CNTNAP2: variants seen among roughly 807,000 people sequenced by gnomAD.
CNTNAP2 encodes the protein contactin associated protein 2.
In CNTNAP2, 98 loss-of-function variants were observed where a neutral mutation model predicts 155.2. The observed-to-expected ratio is 0.63, with a 90% confidence interval of 0.54 to 0.75. The LOEUF (loss-of-function observed/expected upper bound fraction) is 0.75, where lower values mean the gene tolerates loss of function less well. CNTNAP2 is among the 30% of genes least tolerant of loss of function. The pLI is 0.00. For synonymous variants in CNTNAP2, 651 were observed against 631.2 expected (o/e 1.03, Z -0.47); for missense variants, 1,727 against 1,688.1 (o/e 1.02, Z -0.40).
chr7:148,289,548 TG>T (rs1480440707), intron 21 of CNTNAP2, among the ~76,000 whole-genome samples: 1 of 147,700 alleles, frequency 6.8e-6, no homozygotes, highest in African/African-American at 2.5e-5. Flanking sequence ...AGAAGCAAAA[TG>T]ATAATGTAAA....
At chr7:147,388,255 G>A (rs1195952822) in intron 9 of CNTNAP2, among the ~76,000 whole-genome samples, 1 of 151,958 alleles carries the variant, frequency 6.6e-6, no homozygotes, top group Non-Finnish European at 1.5e-5. Context: ...TCATTCTTTG[G>A]GCACTTCATT....
At chr7:146,176,646 C>T (rs1471210343) in intron 1 of CNTNAP2, among the ~76,000 whole-genome samples, 1 of 152,132 alleles carries the variant, frequency 6.6e-6, no homozygotes, top group Non-Finnish European at 1.5e-5. Context: ...GGGATACCTA[C>T]TATGCACCAA....
intron 8 of CNTNAP2, among the ~76,000 whole-genome samples, chr7:147,266,103 T>G (rs1160210934): frequency 6.6e-6 from 1 of 151,926 alleles, no homozygotes; most frequent in Admixed American, 6.6e-5. Context: ...TCACAATACC[T>G]CTCCAGCAAG....
intron 1 of CNTNAP2, among the ~76,000 whole-genome samples, chr7:146,707,015 A>G (rs1800977656): frequency 6.6e-6 from 1 of 152,174 alleles, no homozygotes; most frequent in Non-Finnish European, 1.5e-5. Flanking sequence ...AGCCCAGCAA[A>G]ATGCACTTTG....
intron 2 of CNTNAP2, among the ~76,000 whole-genome samples, chr7:146,807,923 A>G (rs952665714): frequency 3.3e-5 from 5 of 152,160 alleles, no homozygotes; most frequent in Admixed American, 6.6e-5. Flanking sequence ...TCACTCTGGC[A>G]TAGTACATTT....
At chr7:148,355,552 T>A (rs1798499403) in intron 21 of CNTNAP2, among the ~76,000 whole-genome samples, 1 of 152,180 alleles carries the variant, frequency 6.6e-6, no homozygotes. Flanking sequence ...AATCTCTGTT[T>A]ACCAGTCTGC....
chr7:147,502,955 G>A (rs979720808), intron 11 of CNTNAP2, among the ~76,000 whole-genome samples: 3 of 152,094 alleles, frequency 2.0e-5, no homozygotes, highest in African/African-American at 4.8e-5. Flanking sequence ...AGTTGAGCGA[G>A]AAGTACCCTC....
At chr7:146,548,410 T>C (rs1383334972) in intron 1 of CNTNAP2, among the ~76,000 whole-genome samples, 6 of 152,046 alleles carry the variant, frequency 3.9e-5, no homozygotes, top group Admixed American at 3.9e-4. Flanking sequence ...CTTTTGTGAA[T>C]AGTGCTGCAA....
chr7:148,356,779 C>G (rs1347087730), intron 21 of CNTNAP2, among the ~76,000 whole-genome samples: 2 of 151,996 alleles, frequency 1.3e-5, no homozygotes, highest in Admixed American at 1.3e-4. Context: ...AGACCCTTAC[C>G]CCATCACTCA....
chr7:147,062,165 A>G (rs994572433), intron 4 of CNTNAP2, among the ~76,000 whole-genome samples: 5 of 130,302 alleles, frequency 3.8e-5, no homozygotes, highest in Non-Finnish European at 7.9e-5. Flanking sequence ...AAAAAAAAAA[A>G]AAAAACCAGT....
At chr7:146,535,911 G>A (rs1200870899) in intron 1 of CNTNAP2, among the ~76,000 whole-genome samples, 2 of 151,052 alleles carry the variant, frequency 1.3e-5, no homozygotes, top group East Asian at 3.9e-4. Flanking sequence ...TTCCTTGATG[G>A]TGGCATTTAA....
intron 1 of CNTNAP2, among the ~76,000 whole-genome samples, chr7:146,471,574 C>T (rs1796799406): frequency 1.3e-5 from 2 of 152,186 alleles, no homozygotes; most frequent in Admixed American, 6.5e-5. Context: ...GGCCTTGTGC[C>T]AGCATAATGA....
chr7:146,284,317 TA>T (rs1800294780), intron 1 of CNTNAP2, among the ~76,000 whole-genome samples: 1 of 152,058 alleles, frequency 6.6e-6, no homozygotes, highest in South Asian at 2.1e-4. Flanking sequence ...GTGGCTAAAA[TA>T]ACACCAAAAA....
chr7:146,862,503 CA>C lies in CNTNAP2; in HGVS notation c.402+22607del, dbSNP rs537810373. Among the ~76,000 whole-genome samples, 993 of 151,602 alleles carry C rather than the reference CA, an allele frequency of 6.6e-3. 3 individuals carry two copies. Among genetic ancestry groups the C allele is most frequent in the South Asian group, 0.016 (77 of 4,786 alleles). ...TGGGCACAAAAAAACAAAAAACAAA[CA>C]AAAAAAACGCTAATGACACTCAATG... On this transcript the variant is annotated intron_variant, in intron 3 of 23. Coordinates refer to ENST00000361727, the MANE Select transcript of CNTNAP2 (RefSeq NM_014141.6).
chr7:146,879,485 A>G (rs138333979), intron 3 of CNTNAP2, among the ~76,000 whole-genome samples: 49 of 152,174 alleles, frequency 3.2e-4, no homozygotes, highest in Middle Eastern at 3.4e-3. Flanking sequence ...AGATTTAAAT[A>G]AAATATATAA....
intron 2 of CNTNAP2, among the ~76,000 whole-genome samples, chr7:146,828,407 A>G (rs1458947926): frequency 6.6e-6 from 1 of 152,072 alleles, no homozygotes; most frequent in Admixed American, 6.6e-5. Flanking sequence ...TTTTAAATAA[A>G]GAACGCAGTC....
At chr7:147,485,346 A>G (rs1798492070) in intron 10 of CNTNAP2, among the ~76,000 whole-genome samples, 1 of 152,222 alleles carries the variant, frequency 6.6e-6, no homozygotes. Flanking sequence ...ATTTGAACAC[A>G]AAACCTGTAT....
At chr7:147,151,143 A>G (rs189913110) in intron 8 of CNTNAP2, among the ~76,000 whole-genome samples, 5 of 152,360 alleles carry the variant, frequency 3.3e-5, no homozygotes, top group East Asian at 1.9e-4. Flanking sequence ...GATGATAGCC[A>G]TGGATATGTG....
At chr7:147,965,180 A>T (rs936809219) in intron 14 of CNTNAP2, among the ~76,000 whole-genome samples, 33 of 152,298 alleles carry the variant, frequency 2.2e-4, no homozygotes, top group African/African-American at 7.2e-4. Context: ...GTCTCTGATC[A>T]TGTGCCACTT....
Sources: allele counts gnomAD v4.1 joint callset (sites outside exome capture counted in the v4.1 genomes callset), GRCh38; gene constraint gnomAD v4.1.1; transcripts MANE v1.5; gene names NCBI Gene and HGNC (gene_info 2026-07-23, HGNC 2026-07-21).